Variants in TMPRSS9 observed in about 807,000 individuals in gnomAD.
TMPRSS9 encodes transmembrane protease serine 9.
In TMPRSS9, 113 loss-of-function variants were observed where a neutral mutation model predicts 111.4. That is an observed-to-expected ratio of 1.01 (90% CI 0.87 to 1.19). TMPRSS9 has a LOEUF of 1.19. Among genes scored for constraint, TMPRSS9 ranks in the 50% most tolerant of loss-of-function variants. The pLI is 0.00. For synonymous variants in TMPRSS9, 805 were observed against 659.1 expected, an observed-to-expected ratio of 1.22 and a Z score of -3.39; for missense variants, 1,803 against 1,513.1, an observed-to-expected ratio of 1.19 and a Z score of -3.18.
intron 12 of TMPRSS9, 135 bp downstream of exon 13, chr19:2,416,944 G>A (rs1971253588): frequency 1.6e-6 from 2 of 1,222,598 alleles, no homozygotes; most frequent in Non-Finnish European, 2.2e-6. Context: ...TGATCCCTTT[G>A]TCTTTGGTCC....
chr19:2,413,875 C>A (rs1971159516), exon 10 of TMPRSS9: 1 of 1,613,578 alleles, frequency 6.2e-7, no homozygotes, highest in Non-Finnish European at 8.5e-7. Context: ...ATGCCTCTGG[C>A]CCCCACCATG....
Position 2,398,789 on chromosome 19 carries a change from T to G in TMPRSS9, c.271-6T>G. 6.9e-7 allele frequency: 1 copy of G among 1,441,646 alleles called. No individual in the cohort carries two copies. The highest frequency in any genetic ancestry group is 9.2e-7 in the Non-Finnish European group (1 of 1,087,534). 89.3% of individuals were successfully genotyped at this position (1,441,646 alleles called of 1,614,324 possible). ...TCAACATTTGATATTCTTGTTTCTA[T>G]TGCAGTTTGTAAGTAGTTTTCAGAA... On this transcript the variant is annotated splice_region_variant and splice_polypyrimidine_tract_variant and intron_variant, in intron 2 of 17. Coordinates refer to ENST00000648592, the Ensembl canonical transcript of TMPRSS9.
chr19:2,424,945 G>GCCC, intron 15 of TMPRSS9, 57 bp from the exon 17 acceptor site: 1 of 1,396,202 alleles, frequency 7.2e-7, no homozygotes, highest in Non-Finnish European at 9.2e-7. Flanking sequence ...ACACCACAGG[G>GCCC]GCGGGGGCCG....
At chr19:2,396,587 G>T in exon 2 of TMPRSS9, 1 of 1,611,436 alleles carries the variant, frequency 6.2e-7, no homozygotes, top group East Asian at 2.2e-5. Flanking sequence ...GCCGAGCTGC[G>T]GGGAATCCGG....
chr19:2,406,949 G>A (rs934738674), intron 7 of TMPRSS9, among the ~76,000 whole-genome samples: 2 of 151,066 alleles, frequency 1.3e-5, no homozygotes, highest in African/African-American at 2.4e-5. Context: ...ACAGGCACCC[G>A]CCACCATGGC....
At chr19:2,403,328 AAAG>A (rs1338361816) in intron 6 of TMPRSS9, 133 bp downstream of exon 7, 6 of 724,818 alleles carry the variant, frequency 8.3e-6, no homozygotes, top group East Asian at 5.5e-5. Context: ...TGGGCAGAGA[AAAG>A]AAAGGGGCAC....
chr19:2,382,306 T>A (rs1046717884), intron 1 of TMPRSS9, among the ~76,000 whole-genome samples: 1 of 116,934 alleles, frequency 8.6e-6, no homozygotes, highest in Non-Finnish European at 1.7e-5. Context: ...CTAATTTTTT[T>A]ATTTTGGTAG....
chr19:2,409,632 A>G (rs951993434), intron 8 of TMPRSS9, among the ~76,000 whole-genome samples: 2 of 152,096 alleles, frequency 1.3e-5, no homozygotes, highest in African/African-American at 2.4e-5. Context: ...AGGTCAGGAG[A>G]TGCCTCCTGG....
chr19:2,362,357 T>C (rs1235477682), intron 1 of TMPRSS9, among the ~76,000 whole-genome samples: 1 of 151,638 alleles, frequency 6.6e-6, no homozygotes, highest in Non-Finnish European at 1.5e-5. Context: ...CGAGATTGTG[T>C]GACTGTGCAG....
exon 1 of TMPRSS9, chr19:2,389,842 C>A: frequency 1.9e-6 from 3 of 1,614,036 alleles, no homozygotes; most frequent in Non-Finnish European, 2.5e-6. Flanking sequence ...AGGAAGTCCC[C>A]GCTCTGGATG....
chr19:2,389,069 G>A (rs938344376), upstream of TMPRSS9, among the ~76,000 whole-genome samples: 4 of 148,528 alleles, frequency 2.7e-5, no homozygotes, highest in African/African-American at 7.5e-5. Context: ...CAGCAGTCAC[G>A]TTCCACCTTT....
chr19:2,375,373 C>G (rs1200039927), intron 1 of TMPRSS9, among the ~76,000 whole-genome samples: 1 of 146,542 alleles, frequency 6.8e-6, no homozygotes, highest in East Asian at 2.0e-4. Context: ...GAGGGGTGGG[C>G]CCTGTGATTG....
exon 12 of TMPRSS9, chr19:2,416,697 C>G (rs1266153818): frequency 1.2e-6 from 2 of 1,613,246 alleles, no homozygotes; most frequent in African/African-American, 1.3e-5. Context: ...TGGCCAGCCC[C>G]CTGGCCTTCA....
rs202241101 is a variant in TMPRSS9 at position 2,391,012 on chromosome 19, C to CAAGA, written c.142+1105_142+1108dup. Among the ~76,000 whole-genome samples, 521 of 125,018 alleles carry CAAGA rather than the reference C, an allele frequency of 4.2e-3. 6 individuals are homozygous for CAAGA. The highest frequency in any genetic ancestry group is 0.014 in the African/African-American group (452 of 32,414). 82.0% of individuals were successfully genotyped at this position (125,018 alleles called of 152,430 possible). A position where few individuals can be genotyped will look rare whatever the true frequency, so the allele number is the denominator to read the frequency against. On this transcript the variant is annotated intron_variant, in intron 1 of 17. Transcript: ENST00000648592. Reference sequence around the variant, plus strand: ...TGAAACCCCATCTCTACTAAAAATACAAGAAAGAAAGAAAGAAAGAAAGGG... The same window carrying CAAGA: ...TGAAACCCCATCTCTACTAAAAATACAAGAAAGAAAGAAAGAAAGAAAGAAAGGG...
At chr19:2,391,740 C>CTTTTT (rs111240493) in intron 1 of TMPRSS9, among the ~76,000 whole-genome samples, 1 of 132,960 alleles carries the variant, frequency 7.5e-6, no homozygotes, top group African/African-American at 2.9e-5. Flanking sequence ...GAAAGGAAGT[C>CTTTTT]TTTTTTTTTT....
intron 1 of TMPRSS9, among the ~76,000 whole-genome samples, chr19:2,373,020 A>G (rs1970302231): frequency 6.6e-6 from 1 of 151,566 alleles, no homozygotes; most frequent in Non-Finnish European, 1.5e-5. Flanking sequence ...TTTTGTGGAG[A>G]TGGGGGTCTC....
chr19:2,413,936 C>G, exon 10 of TMPRSS9: 7 of 1,612,270 alleles, frequency 4.3e-6, no homozygotes, highest in Non-Finnish European at 5.9e-6. Flanking sequence ...GTCCTGAGAG[C>G]CCTGTGGTCA....
rs1271780823 is a variant in TMPRSS9 at position 2,364,158 on chromosome 19, G to A, written c.-26+3798G>A. ...GATCACACCACTGCACTCCAGCCTG[G>A]GTGACGGAGTGAGACCCTGTCTCAA... On this transcript the variant is annotated intron_variant, in intron 1 of 17. Coordinates refer to the TMPRSS9 transcript ENST00000649857. Among the ~76,000 whole-genome samples, 3 of 151,966 alleles carry A rather than the reference G, an allele frequency of 2.0e-5. No homozygotes were observed. The East Asian group carries it at 5.8e-4, about 29-fold the overall frequency.
intron 3 of TMPRSS9, 56 bp from the exon 5 acceptor site, chr19:2,398,962 G>A: frequency 2.6e-6 from 4 of 1,567,670 alleles, no homozygotes; most frequent in Non-Finnish European, 3.4e-6. Context: ...GATTCCAGAA[G>A]ATTCCAGCAG....
Sources: allele counts gnomAD v4.1 joint callset (sites outside exome capture counted in the v4.1 genomes callset), GRCh38; gene constraint gnomAD v4.1.1; transcripts MANE v1.5; gene names NCBI Gene and HGNC (gene_info 2026-07-23, HGNC 2026-07-21).